The following NUP210L variants were observed in gnomAD, a reference collection of about 807,000 sequenced individuals.
NUP210L encodes nuclear pore membrane glycoprotein 210-like.
A neutral mutation model predicts 208.5 loss-of-function variants in NUP210L; 74 were observed. The observed-to-expected ratio is 0.35, with a 90% CI of 0.29 to 0.43. The LOEUF (loss-of-function observed/expected upper bound fraction) is 0.43, where lower values mean the gene tolerates loss of function less well. NUP210L is among the 20% of genes least tolerant of loss of function. The pLI, the probability that NUP210L is intolerant of heterozygous loss-of-function variation, is 1.00. For missense variants in NUP210L, 1,843 were observed against 2,289.4 expected, an observed-to-expected ratio of 0.81 and a Z score of 3.98; for synonymous variants, 780 against 816.9, an observed-to-expected ratio of 0.95 and a Z score of 0.77.
chr1:153,999,679 G>A (rs563581573), intron 37 of NUP210L, among the ~76,000 whole-genome samples: 5 of 136,204 alleles, frequency 3.7e-5, no homozygotes, highest in African/African-American at 1.4e-4. Flanking sequence ...GGAGGTTGCA[G>A]TGAGCCGAGA....
At chr1:154,129,699 G>A (rs562018193) in intron 7 of NUP210L, among the ~76,000 whole-genome samples, 2 of 152,218 alleles carry the variant, frequency 1.3e-5, no homozygotes, top group Admixed American at 6.5e-5. Context: ...GCTCCATTCT[G>A]GAGGAAGAGA....
chr1:154,065,313 G>C (rs1654349201), intron 17 of NUP210L, among the ~76,000 whole-genome samples: 1 of 151,610 alleles, frequency 6.6e-6, no homozygotes, highest in African/African-American at 2.4e-5. Context: ...CTAGCTACTA[G>C]GGCGGCTGAG....
intron 27 of NUP210L, among the ~76,000 whole-genome samples, chr1:154,043,348 C>G (rs1200033326): frequency 6.7e-6 from 1 of 149,096 alleles, no homozygotes; most frequent in African/African-American, 2.5e-5. Context: ...GAGTTTCACT[C>G]TTGTTGCCCA....
intron 23 of NUP210L, among the ~76,000 whole-genome samples, chr1:154,055,686 A>T (rs2147989060): frequency 6.6e-6 from 1 of 152,276 alleles, no homozygotes; most frequent in East Asian, 1.9e-4. Flanking sequence ...ATGAGCCACC[A>T]AACCCAGCCC....
chr1:154,087,906 T>G (rs933324995), intron 16 of NUP210L, among the ~76,000 whole-genome samples: 1 of 152,120 alleles, frequency 6.6e-6, no homozygotes, highest in Non-Finnish European at 1.5e-5. Context: ...AGAAAGTCTA[T>G]CAGTGGGGTT....
At chr1:154,082,442 A>AG (rs1480592239) in intron 16 of NUP210L, among the ~76,000 whole-genome samples, 2 of 152,210 alleles carry the variant, frequency 1.3e-5, no homozygotes, top group African/African-American at 4.8e-5. Context: ...GACAGAATTG[A>AG]GGAAGAAATA....
At chr1:154,151,197 C>T (rs1251580124) in intron 2 of NUP210L, among the ~76,000 whole-genome samples, 3 of 151,226 alleles carry the variant, frequency 2.0e-5, no homozygotes, top group Non-Finnish European at 4.4e-5. Context: ...TTTTTTCTGA[C>T]TTTCGTATCC....
intron 39 of NUP210L, 37 bp from the exon 40 acceptor site, chr1:153,992,972 G>C (rs1331788671): frequency 1.2e-6 from 2 of 1,607,194 alleles, no homozygotes; most frequent in South Asian, 1.1e-5. Context: ...AATTAAACGT[G>C]TGTATCTGAG....
chr1:154,106,767 A>G (rs1476523808), intron 12 of NUP210L, among the ~76,000 whole-genome samples: 2 of 152,198 alleles, frequency 1.3e-5, no homozygotes, highest in African/African-American at 4.8e-5. Flanking sequence ...CCAAAGCAGT[A>G]CCTCTACAAG....
At chr1:154,007,902 TG>T (rs759903070) in intron 35 of NUP210L, among the ~76,000 whole-genome samples, 1 of 138,136 alleles carries the variant, frequency 7.2e-6, no homozygotes, top group African/African-American at 2.8e-5. Flanking sequence ...GACGGAGTCT[TG>T]CTCTGTTGCC....
chr1:153,998,256 T>C (rs535227182), intron 37 of NUP210L, among the ~76,000 whole-genome samples: 1 of 152,222 alleles, frequency 6.6e-6, no homozygotes, highest in South Asian at 2.1e-4. Context: ...AGTGGTCAAT[T>C]GAAAATAAAG....
intron 16 of NUP210L, among the ~76,000 whole-genome samples, chr1:154,076,499 A>G (rs547742632): frequency 2.0e-5 from 3 of 152,224 alleles, no homozygotes; most frequent in Non-Finnish European, 4.4e-5. Context: ...CACAGAGAAT[A>G]CCAATAAAGA....
chr1:154,018,880 A>C, intron 33 of NUP210L, 53 bp downstream of exon 33: 1 of 1,590,892 alleles, frequency 6.3e-7, no homozygotes, highest in Non-Finnish European at 8.6e-7. Flanking sequence ...GCATATCCTC[A>C]TATGTGGCAA....
rs1650220413 is a variant in NUP210L at position 154,001,682 on chromosome 1, A to G, written c.5181+53T>C. 20 of 1,574,496 alleles carry G rather than the reference A, an allele frequency of 1.3e-5. No individual in the cohort carries two copies. In the South Asian group the frequency reaches 1.8e-4, roughly 14 times the overall value. The stretch of plus-strand genomic sequence containing the variant: ...TGCCCTTGAAGTGAGAATGAAAACT[A>G]TCTTTTCAAATTCCTGATCTCTTGT... On this transcript the variant is annotated intron_variant, in intron 36 of 39. Transcript: ENST00000368559.
intron 4 of NUP210L, among the ~76,000 whole-genome samples, chr1:154,140,997 G>GGA (rs367733149): frequency 1.6e-5 from 1 of 63,048 alleles, no homozygotes; most frequent in Non-Finnish European, 3.3e-5. Flanking sequence ...CCATCTCGAA[G>GGA]AAAAAAAAAA....
At chr1:153,999,734 CAAAAAAA>C (rs1172554188) in intron 37 of NUP210L, among the ~76,000 whole-genome samples, 1 of 54,594 alleles carries the variant, frequency 1.8e-5, no homozygotes, top group Non-Finnish European at 3.3e-5. Context: ...AAGACTCTCT[CAAAAAAA>C]AAAAAAAAAA....
intron 17 of NUP210L, among the ~76,000 whole-genome samples, chr1:154,065,818 C>T (rs1204868973): frequency 2.0e-5 from 3 of 146,514 alleles, no homozygotes; most frequent in Non-Finnish European, 4.5e-5. Context: ...GCTTGAATCC[C>T]GAAGGCAGAG....
chr1:154,072,465 T>A (rs1654798242), intron 16 of NUP210L, among the ~76,000 whole-genome samples: 1 of 151,488 alleles, frequency 6.6e-6, no homozygotes, highest in Admixed American at 6.6e-5. Flanking sequence ...CCCGAGTAGC[T>A]GGGACTACAG....
chr1:154,068,219 C>A (rs1164915997), intron 17 of NUP210L, among the ~76,000 whole-genome samples: 1 of 152,190 alleles, frequency 6.6e-6, no homozygotes, highest in Non-Finnish European at 1.5e-5. Flanking sequence ...CAGCATGGTA[C>A]TGGTACCAAA....
Sources: allele counts gnomAD v4.1 joint callset (sites outside exome capture counted in the v4.1 genomes callset), GRCh38; gene constraint gnomAD v4.1.1; transcripts MANE v1.5; gene names NCBI Gene and HGNC (gene_info 2026-07-23, HGNC 2026-07-21).